Variants in SLIT3 observed in about 807,000 individuals in gnomAD.
The protein encoded by SLIT3 is slit homolog 3 protein.
A neutral mutation model predicts 184.0 loss-of-function variants in SLIT3; 68 were observed. The ratio of observed to expected loss-of-function variants is 0.37; its 90% CI spans 0.30 to 0.45. SLIT3 has a LOEUF of 0.45. Ranked by LOEUF, SLIT3 falls within the 20% of genes least tolerant of loss-of-function variation. SLIT3 has a pLI of 1.00. For synonymous variants in SLIT3, 831 were observed against 828.6 expected (o/e 1.00, Z -0.05); for missense variants, 1,707 against 2,026.0 (o/e 0.84, Z 3.02).
At chr5:168,768,683 A>C (rs912797826) in intron 14 of SLIT3, among the ~76,000 whole-genome samples, 5 of 152,344 alleles carry the variant, frequency 3.3e-5, no homozygotes, top group Admixed American at 1.3e-4. Flanking sequence ...GAGTGGTTCC[A>C]TCACAGTCAT....
intron 4 of SLIT3, among the ~76,000 whole-genome samples, chr5:169,134,266 T>A (rs1321116260): frequency 6.6e-6 from 1 of 152,340 alleles, no homozygotes. Context: ...TAGAATCAAG[T>A]CCAATAAGGT....
At chr5:169,040,053 G>A (rs553833439) in intron 4 of SLIT3, among the ~76,000 whole-genome samples, 8 of 152,286 alleles carry the variant, frequency 5.3e-5, no homozygotes, top group African/African-American at 1.9e-4. Context: ...TAGATGCCAT[G>A]AGACCATTTA....
chr5:169,047,742 G>A (rs1757674434), intron 4 of SLIT3, among the ~76,000 whole-genome samples: 5 of 151,624 alleles, frequency 3.3e-5, no homozygotes, highest in Admixed American at 3.3e-4. Flanking sequence ...TCTTTTTTTG[G>A]CTGGGATACT....
intron 16 of SLIT3, among the ~76,000 whole-genome samples, chr5:168,755,389 A>ATTTCTTTCTTC (rs1754859894): frequency 7.5e-6 from 1 of 133,640 alleles, no homozygotes; most frequent in African/African-American, 2.6e-5. Context: ...CAGTGCCGCC[A>ATTTCTTTCTTC]TTTCTTTCTT....
chr5:168,756,343 C>T (rs1479428451), intron 16 of SLIT3, among the ~76,000 whole-genome samples: 3 of 152,226 alleles, frequency 2.0e-5, no homozygotes, highest in Non-Finnish European at 4.4e-5. Context: ...GGACTCAATG[C>T]AGGCTGACTG....
Position 168,674,969 on chromosome 5 carries a change from C to T in SLIT3, c.3687-1638G>A, listed in dbSNP as rs117713928. Reference sequence around the variant, plus strand: ...TATCCTATTTCACAGATGAAGACACCGAGGCCCAGAGAGGTTAAGTGATTT... The same window carrying T: ...TATCCTATTTCACAGATGAAGACACTGAGGCCCAGAGAGGTTAAGTGATTT... On this transcript the variant is annotated intron_variant, in intron 32 of 35. Coordinates refer to ENST00000519560, the MANE Select transcript of SLIT3 (RefSeq NM_003062.4). 5.6e-3 allele frequency among the ~76,000 whole-genome samples: 850 copies of T among 152,154 alleles called. 7 individuals carry two copies. The highest frequency in any genetic ancestry group is 0.018 in the African/African-American group (740 of 41,502).
intron 4 of SLIT3, among the ~76,000 whole-genome samples, chr5:168,926,317 G>C (rs1761821510): frequency 6.6e-6 from 1 of 152,216 alleles, no homozygotes; most frequent in South Asian, 2.1e-4. Flanking sequence ...ATCCAACTGT[G>C]GGGAAAGGTG....
At chr5:168,680,805 G>A (rs967920761) in intron 32 of SLIT3, among the ~76,000 whole-genome samples, 3 of 152,130 alleles carry the variant, frequency 2.0e-5, no homozygotes, top group Admixed American at 6.5e-5. Flanking sequence ...CTGAGGCACA[G>A]GTCATGTCTC....
At chr5:168,989,296 C>T (rs62378613) in intron 4 of SLIT3, among the ~76,000 whole-genome samples, 1 of 152,124 alleles carries the variant, frequency 6.6e-6, no homozygotes, top group Non-Finnish European at 1.5e-5. Flanking sequence ...GTTTCCAAAA[C>T]AAACTTGACA....
chr5:168,913,613 G>A (rs923477399), intron 4 of SLIT3, among the ~76,000 whole-genome samples: 3 of 151,858 alleles, frequency 2.0e-5, no homozygotes, highest in African/African-American at 7.2e-5. Flanking sequence ...ACAGTGGCAG[G>A]CGCCTGTAAT....
intron 4 of SLIT3, among the ~76,000 whole-genome samples, chr5:168,926,149 T>C (rs1289069117): frequency 6.6e-6 from 1 of 151,212 alleles, no homozygotes; most frequent in Admixed American, 6.6e-5. Flanking sequence ...TGGGGAAAGG[T>C]GTGCACTACT....
chr5:168,746,558 GGTGTGGTGGT>G lies in SLIT3; in HGVS notation c.2270+1734_2270+1743del, dbSNP rs1322977840. 1.1e-4 allele frequency among the ~76,000 whole-genome samples: 14 copies of G among 124,384 alleles called. No individual in the cohort carries two copies. The East Asian group carries it at 3.6e-3, about 32-fold the overall frequency. The allele number at this position is 124,384 out of a possible 152,430, so 81.6% of individuals were successfully genotyped here. A position where few individuals can be genotyped will look rare whatever the true frequency, so the allele number is the denominator to read the frequency against. ...GTGTGTGGTGGTGTGCGGTGGTGTG[GGTGTGGTGGT>G]GTGTGGTGGTGTGTGGTGTGTGAGT... On this transcript the variant is annotated intron_variant, in intron 20 of 35. Transcript: ENST00000519560.
At chr5:168,923,150 T>C (rs1761698247) in intron 4 of SLIT3, among the ~76,000 whole-genome samples, 2 of 152,094 alleles carry the variant, frequency 1.3e-5, no homozygotes, top group African/African-American at 2.4e-5. Flanking sequence ...ATCCATACAC[T>C]GAAGAGAAAT....
chr5:169,044,399 T>A (rs566706203), intron 4 of SLIT3, among the ~76,000 whole-genome samples: 1 of 152,288 alleles, frequency 6.6e-6, no homozygotes, highest in African/African-American at 2.4e-5. Context: ...GGAATATTAT[T>A]CAGCCATAAA....
Position 168,817,424 on chromosome 5 carries a change from C to A in SLIT3, c.669G>T (p.Leu223=). ...HSNHLYCDCH[L]AWLSDWLRQR... ...GTCGCAGCCAATCCGAGAGCCAGGCCAGGTGGCAGTCGCAGTACAGGTGGT... is the reference window on the plus strand; with the variant it reads ...GTCGCAGCCAATCCGAGAGCCAGGCAAGGTGGCAGTCGCAGTACAGGTGGT... Residue 223 remains leucine (L), a synonymous_variant, in exon 8 of 36, where the codon CTG becomes CTT. Transcript: ENST00000519560. 1.9e-6 allele frequency: 3 copies of A among 1,614,182 alleles called. No homozygotes were observed. The highest frequency in any genetic ancestry group is 2.5e-6 in the Non-Finnish European group (3 of 1,180,030).
intron 3 of SLIT3, among the ~76,000 whole-genome samples, chr5:169,199,395 T>A (rs1439298766): frequency 6.6e-6 from 1 of 152,138 alleles, no homozygotes; most frequent in Non-Finnish European, 1.5e-5. Flanking sequence ...GTGGGGTAAC[T>A]GATCAGTCAA....
chr5:168,707,088 A>G (rs538944235), intron 26 of SLIT3: 1 of 152,226 alleles, frequency 6.6e-6, no homozygotes, highest in Non-Finnish European at 1.5e-5. Context: ...CTATCCAGGA[A>G]ACCCTCCAGG....
intron 14 of SLIT3, among the ~76,000 whole-genome samples, chr5:168,766,117 T>C (rs1755336309): frequency 6.6e-6 from 1 of 152,234 alleles, no homozygotes. Flanking sequence ...AGGTCCAGGA[T>C]GGCTGCTGCC....
At chr5:169,262,418 GA>G (rs1203718259) in intron 1 of SLIT3, among the ~76,000 whole-genome samples, 1 of 152,156 alleles carries the variant, frequency 6.6e-6, no homozygotes, top group Non-Finnish European at 1.5e-5. Context: ...GGATCCAGTT[GA>G]AGGACAGGCT....
Sources: allele counts gnomAD v4.1 joint callset (sites outside exome capture counted in the v4.1 genomes callset), GRCh38; gene constraint gnomAD v4.1.1; transcripts MANE v1.5; gene names NCBI Gene and HGNC (gene_info 2026-07-23, HGNC 2026-07-21).